The following SLC35B4 variants were observed in gnomAD, a reference collection of about 807,000 sequenced individuals.
SLC35B4 encodes nucleotide sugar transporter SLC35B4.
A neutral mutation model predicts 39.5 loss-of-function variants in SLC35B4; 28 were observed. That is an observed-to-expected ratio of 0.71 (90% CI 0.53 to 0.97). SLC35B4 has a LOEUF of 0.97. SLC35B4 is among the 50% of genes least tolerant of loss of function. The pLI is 0.00. For missense variants in SLC35B4, 334 were observed against 414.3 expected, an observed-to-expected ratio of 0.81 and a Z score of 1.68; for synonymous variants, 145 against 150.4, an observed-to-expected ratio of 0.96 and a Z score of 0.26.
At position 134,309,361 on chromosome 7, in the gene SLC35B4, C is replaced by T. The variant is rs1013162640; in HGVS notation, c.191+5G>A. 6.3e-7 allele frequency: 1 copy of T among 1,590,412 alleles called. No homozygotes were observed. The highest frequency in any genetic ancestry group is 1.7e-4 in the Middle Eastern group (1 of 5,892). The stretch of plus-strand genomic sequence containing the variant: ...AAAGCTAAAAGAGACTCTAATGTAC[C>T]ATACCTTATTGGGATAGCTGGTGGC... On this transcript the variant is annotated splice_donor_5th_base_variant and intron_variant, in intron 2 of 9. Coordinates refer to ENST00000378509, the MANE Select transcript of SLC35B4 (RefSeq NM_032826.5).
intron 1 of SLC35B4, among the ~76,000 whole-genome samples, chr7:134,313,771 C>T (rs1803904602): frequency 6.6e-6 from 1 of 152,224 alleles, no homozygotes; most frequent in Non-Finnish European, 1.5e-5. Flanking sequence ...ATAAAAAGCA[C>T]AGTTCCTAGG....
At chr7:134,297,972 G>C (rs751195166) in intron 8 of SLC35B4, among the ~76,000 whole-genome samples, 11 of 152,194 alleles carry the variant, frequency 7.2e-5, no homozygotes, top group Non-Finnish European at 1.2e-4. Flanking sequence ...TAAGATGAAA[G>C]AGAATACAGA....
rs1035664791 is a variant in SLC35B4, at chr7:134,291,221, C to T, written c.*3612G>A. On this transcript the variant is annotated 3_prime_UTR_variant, in exon 10 of 10. Transcript: ENST00000378509. ...CATTTCTACATTAACCCTTCACATT[C>T]ATCGTCATCTACAGATATGGCATTC... 6.6e-6 allele frequency: 1 copy of T among 152,182 alleles called. No individual in the cohort carries two copies. The highest frequency in any genetic ancestry group is 1.5e-5 in the Non-Finnish European group (1 of 68,038). The allele number at this position is 152,182 out of a possible 1,614,324, so 9.4% of individuals were successfully genotyped here.
At position 134,293,792 on chromosome 7, in the gene SLC35B4, CTTTT is replaced by C. The variant is rs566556827; in HGVS notation, c.*1037_*1040del. 7.4e-5 allele frequency: 10 copies of C among 135,564 alleles called. No individual in the cohort carries two copies. Among genetic ancestry groups the C allele is most frequent in the East Asian group, 2.1e-4 (1 of 4,778 alleles). 8.4% of individuals were successfully genotyped at this position (135,564 alleles called of 1,614,324 possible). A position where few individuals can be genotyped will look rare whatever the true frequency, so the allele number is the denominator to read the frequency against. ...GGGTGTCCAGTCCATAACAACCTTT[CTTTT>C]TTTTTTTTTTTTTTGAGATAGAGTC... On this transcript the variant is annotated 3_prime_UTR_variant, in exon 10 of 10. Coordinates refer to ENST00000378509, the MANE Select transcript of SLC35B4 (RefSeq NM_032826.5).
Position 134,294,273 on chromosome 7 carries a change from C to T in SLC35B4, c.*560G>A, listed in dbSNP as rs1803405926. ...GTCACTGGGAATCAGCTCAGGGGAA[C>T]ATCTCTTTCCTTCCCAAAACGCTGG... On this transcript the variant is annotated 3_prime_UTR_variant, in exon 10 of 10. Transcript: ENST00000378509. 1.3e-5 allele frequency: 2 copies of T among 153,496 alleles called. No homozygotes were observed. Among genetic ancestry groups the T allele is most frequent in the African/African-American group, 4.8e-5 (2 of 41,408 alleles). The allele number at this position is 153,496 out of a possible 1,614,324, so 9.5% of individuals were successfully genotyped here.
intron 8 of SLC35B4, among the ~76,000 whole-genome samples, chr7:134,297,862 G>A (rs533141501): frequency 1.3e-5 from 2 of 152,272 alleles, no homozygotes; most frequent in African/African-American, 4.8e-5. Flanking sequence ...TGGGCAACAG[G>A]GAGGTCCTGT....
rs181979040 is a variant in SLC35B4 at position 134,300,065 on chromosome 7, C to T, written c.597+87G>A. Reference sequence around the variant, plus strand: ...CCATCTACCAATAATACACCTTCAACTACATCAGAGAATATTAATAGTTCA... The same window carrying T: ...CCATCTACCAATAATACACCTTCAATTACATCAGAGAATATTAATAGTTCA... On this transcript the variant is annotated intron_variant, in intron 7 of 9. Transcript: ENST00000378509. 188 of 979,320 alleles carry T rather than the reference C, an allele frequency of 1.9e-4. 4 individuals carry two copies. Among genetic ancestry groups the T allele is most frequent in the African/African-American group, 1.6e-3 (99 of 61,198 alleles). The allele number at this position is 979,320 out of a possible 1,614,324, so 60.7% of individuals were successfully genotyped here. A position where few individuals can be genotyped will look rare whatever the true frequency, so the allele number is the denominator to read the frequency against.
rs1473375776 is a variant in SLC35B4 at position 134,310,407 on chromosome 7, T to A, written c.78-928A>T. 3.3e-5 allele frequency among the ~76,000 whole-genome samples: 5 copies of A among 152,166 alleles called. No individual in the cohort carries two copies. In the South Asian group the frequency reaches 6.2e-4, roughly 19 times the overall value. On this transcript the variant is annotated intron_variant, in intron 1 of 9. Transcript: ENST00000378509. Reference sequence around the variant, plus strand: ...AAACTAGTCATTTAAAATGTTCAGGTTTTCTTGAGCTTGTCTTCCATTCAG... The same window carrying A: ...AAACTAGTCATTTAAAATGTTCAGGATTTCTTGAGCTTGTCTTCCATTCAG...
Position 134,309,447 on chromosome 7 carries a change from A to AAT in SLC35B4, c.108_109dup (p.Phe37TyrfsTer28), listed in dbSNP as rs1563218730. On this transcript the variant is annotated frameshift_variant, in exon 2 of 10. Transcript: ENST00000378509. LOFTEE classifies it high-confidence loss of function. ...CACAGCAATAAATAAAAATTGTGCAAATGTCACAATGTTCCCACATCCTGG... is the reference window on the plus strand; with the variant it reads ...CACAGCAATAAATAAAAATTGTGCAAATATGTCACAATGTTCCCACATCCTGG... The AAT allele has an allele frequency of 6.2e-7, 1 of 1,611,148 alleles. No homozygotes were observed. Among genetic ancestry groups the AAT allele is most frequent in the Non-Finnish European group, 8.5e-7 (1 of 1,179,648 alleles).
At chr7:134,305,762 C>T (rs1803695548) in intron 3 of SLC35B4, among the ~76,000 whole-genome samples, 1 of 152,160 alleles carries the variant, frequency 6.6e-6, no homozygotes, top group African/African-American at 2.4e-5. Flanking sequence ...CCTCTGCCTC[C>T]CAGGTTCAAG....
rs1280867825 is a variant in SLC35B4, at chr7:134,293,902, C to G, written c.*931G>C. The G allele has an allele frequency of 1.3e-5, 2 of 152,220 alleles. No homozygotes were observed. The highest frequency in any genetic ancestry group is 2.9e-5 in the Non-Finnish European group (2 of 68,278). 9.4% of individuals were successfully genotyped at this position (152,220 alleles called of 1,614,324 possible). On this transcript the variant is annotated 3_prime_UTR_variant, in exon 10 of 10. Transcript: ENST00000378509. Reference sequence around the variant, plus strand: ...TCATCTCCCGGGTTCAAGTGATTCTCCTGCCTCAGCCTCCCAAGTAGCTGG... The same window carrying G: ...TCATCTCCCGGGTTCAAGTGATTCTGCTGCCTCAGCCTCCCAAGTAGCTGG...
intron 1 of SLC35B4, among the ~76,000 whole-genome samples, chr7:134,309,843 C>G (rs1191971753): frequency 6.6e-6 from 1 of 152,146 alleles, no homozygotes; most frequent in Non-Finnish European, 1.5e-5. Context: ...GGATCCCAGT[C>G]AGCTTAGGTA....
rs566556827 is a variant in SLC35B4, at chr7:134,293,792, CTT to C, written c.*1039_*1040del. 43 of 135,496 alleles carry C rather than the reference CTT, an allele frequency of 3.2e-4. No homozygotes were observed. The highest frequency in any genetic ancestry group is 3.8e-3 in the Middle Eastern group (1 of 264). 8.4% of individuals were successfully genotyped at this position (135,496 alleles called of 1,614,324 possible). On this transcript the variant is annotated 3_prime_UTR_variant, in exon 10 of 10. Transcript: ENST00000378509. ...GGGTGTCCAGTCCATAACAACCTTT[CTT>C]TTTTTTTTTTTTTTTTGAGATAGAG...
rs566556827 is a variant in SLC35B4 at position 134,293,792 on chromosome 7, CTTTTTTTTTT to C, written c.*1031_*1040del. ...GGGTGTCCAGTCCATAACAACCTTT[CTTTTTTTTTT>C]TTTTTTTTGAGATAGAGTCTCACTC... On this transcript the variant is annotated 3_prime_UTR_variant, in exon 10 of 10. Coordinates refer to ENST00000378509, the MANE Select transcript of SLC35B4 (RefSeq NM_032826.5). 1 of 135,570 alleles carries C rather than the reference CTTTTTTTTTT, an allele frequency of 7.4e-6. No homozygotes were observed. The highest frequency in any genetic ancestry group is 1.6e-5 in the Non-Finnish European group (1 of 61,994). 8.4% of individuals were successfully genotyped at this position (135,570 alleles called of 1,614,324 possible).
chr7:134,297,820 G>A (rs879677299), intron 8 of SLC35B4, among the ~76,000 whole-genome samples: 2 of 152,184 alleles, frequency 1.3e-5, no homozygotes, highest in Non-Finnish European at 2.9e-5. Context: ...AGGATCCCTT[G>A]GGCCCAGGAG....
rs372063270 is a variant in SLC35B4 at position 134,300,258 on chromosome 7, A to G, written c.491T>C (p.Ile164Thr). 1 of 1,598,044 alleles carries G rather than the reference A, an allele frequency of 6.3e-7. No individual in the cohort carries two copies. Among genetic ancestry groups the G allele is most frequent in the Non-Finnish European group, 8.5e-7 (1 of 1,174,614 alleles). Reference sequence around the variant, plus strand: ...CAGAAGAGCAAAAGTCAATGCCCCAATACCTAAAAAACAAACATCAGGTGA... The same window carrying G: ...CAGAAGAGCAAAAGTCAATGCCCCAGTACCTAAAAAACAAACATCAGGTGA... ...FQAFVWWLLG[I>T]GALTFALLMS... Residue 164 changes from isoleucine to threonine, a missense_variant, in exon 7 of 10, where the codon ATT (isoleucine) becomes ACT (threonine). Ile to Thr is a moderately conservative substitution (Grantham distance 89, BLOSUM62 -1). Coordinates refer to ENST00000378509, the MANE Select transcript of SLC35B4 (RefSeq NM_032826.5).
rs374248017 is a variant in SLC35B4, at chr7:134,297,571, TAAA to T, written c.674-1108_674-1106del. 3.4e-3 allele frequency among the ~76,000 whole-genome samples: 511 copies of T among 151,532 alleles called. 4 individuals are homozygous for T. Among genetic ancestry groups the T allele is most frequent in the East Asian group, 0.025 (132 of 5,178 alleles). Reference sequence around the variant, plus strand: ...AAATCATAGAGATTTTATAGCCACATAAAAAAAACTCAGAAAAAAAGTAAAAAA... The same window carrying T: ...AAATCATAGAGATTTTATAGCCACATAAAAACTCAGAAAAAAAGTAAAAAA... On this transcript the variant is annotated intron_variant, in intron 8 of 9. Coordinates refer to ENST00000378509, the MANE Select transcript of SLC35B4 (RefSeq NM_032826.5).
At position 134,289,781 on chromosome 7, in the gene SLC35B4, A is replaced by G. The variant is rs1269095932; in HGVS notation, c.*5052T>C. On this transcript the variant is annotated 3_prime_UTR_variant, in exon 10 of 10. Transcript: ENST00000378509. ...TCACAAGAGTCATCTATGCATTTCAAAAGATATCAGTAAGTCAATGTGCCA... is the reference window on the plus strand; with the variant it reads ...TCACAAGAGTCATCTATGCATTTCAGAAGATATCAGTAAGTCAATGTGCCA... 1 of 152,230 alleles carries G rather than the reference A, an allele frequency of 6.6e-6. No individual in the cohort carries two copies. Among genetic ancestry groups the G allele is most frequent in the Non-Finnish European group, 1.5e-5 (1 of 68,042 alleles). 9.4% of individuals were successfully genotyped at this position (152,230 alleles called of 1,614,324 possible). A position where few individuals can be genotyped will look rare whatever the true frequency, so the allele number is the denominator to read the frequency against.
intron 8 of SLC35B4, among the ~76,000 whole-genome samples, chr7:134,297,244 C>A (rs1159455922): frequency 6.6e-6 from 1 of 152,164 alleles, no homozygotes; most frequent in Non-Finnish European, 1.5e-5. Flanking sequence ...TAAATAATAT[C>A]TTAATCTGGC....
Sources: allele counts gnomAD v4.1 joint callset (sites outside exome capture counted in the v4.1 genomes callset), GRCh38; gene constraint gnomAD v4.1.1; transcripts MANE v1.5; gene names NCBI Gene and HGNC (gene_info 2026-07-23, HGNC 2026-07-21).